The following CLDN10 variants were observed in gnomAD, a reference collection of about 807,000 sequenced individuals.
The protein encoded by CLDN10 is claudin-10.
CLDN10 carries 15 observed loss-of-function variants against 22.9 expected under a neutral mutation model. That is an observed-to-expected ratio of 0.65 (90% CI 0.44 to 1.01). CLDN10 has a LOEUF of 1.01. Among genes scored for constraint, CLDN10 ranks in the 50% least tolerant of loss-of-function variants. The probability of loss-of-function intolerance (pLI) is 0.00; values close to 1 mark genes in which losing one functional copy is unlikely to be tolerated. For missense variants in CLDN10, 247 were observed against 287.8 expected (o/e 0.86, Z 1.03); for synonymous variants, 114 against 111.4 (o/e 1.02, Z -0.15).
intron 1 of CLDN10, among the ~76,000 whole-genome samples, chr13:95,527,752 A>AAAAT (rs778942034): frequency 1.6e-4 from 25 of 152,162 alleles, no homozygotes; most frequent in Non-Finnish European, 2.4e-4. Flanking sequence ...AACAACAACA[A>AAAAT]AAATAAATAA....
intron 1 of CLDN10, among the ~76,000 whole-genome samples, chr13:95,545,552 A>T (rs2043499524): frequency 1.3e-5 from 2 of 152,172 alleles, no homozygotes; most frequent in Admixed American, 1.3e-4. Context: ...CATAAAAGAA[A>T]AAAAGTAGTC....
At chr13:95,494,475 T>G (rs1214863737) in intron 1 of CLDN10, among the ~76,000 whole-genome samples, 2 of 152,220 alleles carry the variant, frequency 1.3e-5, no homozygotes, top group Non-Finnish European at 2.9e-5. Flanking sequence ...ATTCAAACTT[T>G]CTATTTGTTT....
intron 1 of CLDN10, among the ~76,000 whole-genome samples, chr13:95,528,787 T>A (rs1048798023): frequency 6.6e-6 from 1 of 152,182 alleles, no homozygotes; most frequent in Non-Finnish European, 1.5e-5. Context: ...CTGACTGCAT[T>A]AATGAGCCAT....
intron 1 of CLDN10, among the ~76,000 whole-genome samples, chr13:95,510,856 A>C (rs1345298107): frequency 6.6e-6 from 1 of 152,116 alleles, no homozygotes; most frequent in African/African-American, 2.4e-5. Context: ...TCTACAATAA[A>C]CCAGTTGGAA....
At chr13:95,510,061 T>C (rs901878539) in intron 1 of CLDN10, among the ~76,000 whole-genome samples, 3 of 152,116 alleles carry the variant, frequency 2.0e-5, no homozygotes, top group African/African-American at 7.3e-5. Context: ...CTTCCCCAAA[T>C]TGCAACGGGA....
At chr13:95,452,046 C>T (rs3927665) in intron 1 of CLDN10, among the ~76,000 whole-genome samples, 11,608 of 152,232 alleles carry the variant, frequency 0.076, 666 homozygotes, top group South Asian at 0.22. Context: ...CTCTAAGGTT[C>T]AAACACCATC....
At chr13:95,451,720 T>G (rs2042433336) in intron 1 of CLDN10, among the ~76,000 whole-genome samples, 1 of 152,214 alleles carries the variant, frequency 6.6e-6, no homozygotes, top group African/African-American at 2.4e-5. Context: ...TTTCTATCCC[T>G]TGCCTGGAAG....
At chr13:95,460,888 T>A (rs879711804) in intron 1 of CLDN10, among the ~76,000 whole-genome samples, 2 of 152,100 alleles carry the variant, frequency 1.3e-5, no homozygotes, top group Non-Finnish European at 1.5e-5. Context: ...GCCGGCGGAT[T>A]GCCTGAGGTC....
chr13:95,467,325 G>T (rs1374805782), intron 1 of CLDN10, among the ~76,000 whole-genome samples: 2 of 151,940 alleles, frequency 1.3e-5, no homozygotes, highest in African/African-American at 2.4e-5. Flanking sequence ...AAATGTCATT[G>T]CATCCAAAAA....
intron 1 of CLDN10, among the ~76,000 whole-genome samples, chr13:95,462,289 C>T (rs567369816): frequency 3.8e-4 from 58 of 152,242 alleles, no homozygotes; most frequent in Middle Eastern, 6.8e-3. Flanking sequence ...CCTTTTTAAA[C>T]ATTGCCTTTC....
chr13:95,531,824 C>A (rs898933369), intron 1 of CLDN10, among the ~76,000 whole-genome samples: 1 of 151,882 alleles, frequency 6.6e-6, no homozygotes, highest in African/African-American at 2.4e-5. Flanking sequence ...CATAAGCCAC[C>A]GCTCCCGGCT....
chr13:95,559,732 A>G (rs2043680550), intron 1 of CLDN10, among the ~76,000 whole-genome samples: 1 of 152,166 alleles, frequency 6.6e-6, no homozygotes, highest in South Asian at 2.1e-4. Flanking sequence ...ATGGTGGCAG[A>G]TGATGTTTTT....
chr13:95,446,539 A>G (rs1342014787), intron 1 of CLDN10, among the ~76,000 whole-genome samples: 4 of 152,204 alleles, frequency 2.6e-5, no homozygotes, highest in Admixed American at 2.0e-4. Flanking sequence ...ATGTTAATCA[A>G]TGTTAGAATT....
chr13:95,551,848 G>A (rs2043570083), upstream of CLDN10, among the ~76,000 whole-genome samples: 3 of 152,110 alleles, frequency 2.0e-5, no homozygotes, highest in South Asian at 6.2e-4. Flanking sequence ...GAATGAATGA[G>A]TTTATATTTC....
chr13:95,524,084 C>A (rs1200057926), intron 1 of CLDN10, among the ~76,000 whole-genome samples: 2 of 139,494 alleles, frequency 1.4e-5, no homozygotes, highest in Non-Finnish European at 3.1e-5. Flanking sequence ...GTCTTAGGTA[C>A]TTTGACTGGC....
rs1404801400 is a variant in CLDN10, at chr13:95,579,507, C to G, written c.*1493C>G. On this transcript the variant is annotated 3_prime_UTR_variant, in exon 5 of 5. Coordinates refer to ENST00000299339, the MANE Select transcript of CLDN10 (RefSeq NM_006984.5). ...CTTAAATAATTTGCCACAGTAATGT[C>G]GAAACTAGGCCTTTGAACCAAGGCA... The G allele has an allele frequency of 6.6e-6, 1 of 152,108 alleles. No individual in the cohort carries two copies. Among genetic ancestry groups the G allele is most frequent in the Admixed American group, 6.5e-5 (1 of 15,272 alleles). 9.4% of individuals were successfully genotyped at this position (152,108 alleles called of 1,614,324 possible).
chr13:95,507,538 G>A (rs944380845), intron 1 of CLDN10, among the ~76,000 whole-genome samples: 5 of 151,978 alleles, frequency 3.3e-5, no homozygotes, highest in Non-Finnish European at 7.4e-5. Context: ...TGTAATCCCA[G>A]CACCTTGGGA....
chr13:95,530,399 A>G (rs1025469086), intron 1 of CLDN10, among the ~76,000 whole-genome samples: 19 of 152,148 alleles, frequency 1.2e-4, no homozygotes, highest in African/African-American at 3.4e-4. Context: ...GGCAACCCCT[A>G]CCGGAAGGAA....
At chr13:95,471,980 T>G (rs1050480819) in intron 1 of CLDN10, among the ~76,000 whole-genome samples, 1 of 143,868 alleles carries the variant, frequency 7.0e-6, no homozygotes, top group Non-Finnish European at 1.5e-5. Flanking sequence ...AGATAGAGTC[T>G]GCTTTATTGC....
Sources: gnomAD v4.1 joint callset for allele counts (sites outside exome capture counted in the v4.1 genomes callset) on GRCh38, gnomAD v4.1.1 for gene constraint, MANE v1.5 for transcripts, NCBI Gene and HGNC (gene_info 2026-07-23, HGNC 2026-07-21) for gene names.